The following ADH4 variants were observed in gnomAD, a reference collection of about 807,000 sequenced individuals.
ADH4 encodes all-trans-retinol dehydrogenase [NAD(+)] ADH4.
Under a neutral mutation model 35.2 loss-of-function variants are expected in ADH4, and 31 were observed. That is an observed-to-expected ratio of 0.88 (90% CI 0.66 to 1.19). ADH4 has a LOEUF of 1.19. Among genes scored for constraint, ADH4 ranks in the 50% most tolerant of loss-of-function variants. The probability of loss-of-function intolerance (pLI) is 0.00; values close to 1 mark genes in which losing one functional copy is unlikely to be tolerated. For missense variants in ADH4, 476 were observed against 458.3 expected, an observed-to-expected ratio of 1.04 and a Z score of -0.35; for synonymous variants, 171 against 160.2, an observed-to-expected ratio of 1.07 and a Z score of -0.51.
Position 99,142,689 on chromosome 4 carries a change from A to G in ADH4, c.110T>C (p.Val37Ala), listed in dbSNP as rs1247937318. The change falls in exon 2 of 9, where the codon GTT (valine) becomes GCT (alanine). Residue 37 changes from valine to alanine, a missense_variant. By Grantham distance (64) the Val-to-Ala change is moderately conservative. Coordinates refer to ENST00000265512, the MANE Select transcript of ADH4 (RefSeq NM_000670.5). ...VEVAPPKAHE[V>A]RIQIIATSLC... ...AAAGTCTCCACTTACCTGAATGCGAACTTCATGAGCCTTGGGGGGAGCTAC... is the reference window on the plus strand; with the variant it reads ...AAAGTCTCCACTTACCTGAATGCGAGCTTCATGAGCCTTGGGGGGAGCTAC... 1 of 1,574,998 alleles carries G rather than the reference A, an allele frequency of 6.3e-7. No homozygotes were observed. The highest frequency in any genetic ancestry group is 2.3e-5 in the East Asian group (1 of 43,610).
intron 3 of ADH4, among the ~76,000 whole-genome samples, chr4:99,139,674 A>G (rs1274490360): frequency 6.6e-6 from 1 of 152,194 alleles, no homozygotes; most frequent in African/African-American, 2.4e-5. Flanking sequence ...TCAACATTTA[A>G]TACATACCAC....
In ADH4 at chr4:99,142,723, CT is replaced by C; in HGVS notation, c.75del (p.Glu26ArgfsTer4). ...AWEAGKPLCI[E>X]EVEVAPPKAH... ...GCCTTGGGGGGAGCTACTTCAACCT[CT>C]TCAATGCAAAGGGGCTTGCCTGCTT... On this transcript the variant is annotated frameshift_variant, in exon 2 of 9. Transcript: ENST00000265512. LOFTEE classifies it high-confidence loss of function. 1 of 1,605,708 alleles carries C rather than the reference CT, an allele frequency of 6.2e-7. No homozygotes were observed. The highest frequency in any genetic ancestry group is 8.5e-7 in the Non-Finnish European group (1 of 1,177,254).
chr4:99,126,449 C>T (rs1199478304), intron 8 of ADH4, 145 bp downstream of exon 8: 2 of 685,740 alleles, frequency 2.9e-6, no homozygotes, highest in Non-Finnish European at 4.7e-6. Context: ...TCTGAAATGA[C>T]CACTATTTAA....
At chr4:99,128,811 C>T (rs904730667) in intron 6 of ADH4, among the ~76,000 whole-genome samples, 1 of 149,412 alleles carries the variant, frequency 6.7e-6, no homozygotes, top group Non-Finnish European at 1.5e-5. Context: ...ATTGTATTAT[C>T]TTTTTTTTGA....
chr4:99,143,505 A>G, intron 1 of ADH4: 1 of 277,120 alleles, frequency 3.6e-6, no homozygotes, highest in Non-Finnish European at 6.9e-6. Flanking sequence ...TTATATTTTT[A>G]ATTTCAAATA....
chr4:99,137,150 C>T (rs1202627094), intron 4 of ADH4, among the ~76,000 whole-genome samples: 1 of 146,492 alleles, frequency 6.8e-6, no homozygotes, highest in African/African-American at 2.5e-5. Flanking sequence ...TTTTTTGAGA[C>T]GGAGTCTTGC....
intron 5 of ADH4, 32 bp downstream of exon 5, chr4:99,136,434 T>A (rs1729433362): frequency 6.3e-7 from 1 of 1,577,544 alleles, no homozygotes; most frequent in African/African-American, 1.3e-5. Flanking sequence ...TAGTAACTTC[T>A]GTTTTACACA....
At position 99,137,042 on chromosome 4, in the gene ADH4, C is replaced by T. The variant is rs182820335; in HGVS notation, c.351-345G>A. ...TCCGTTCACCGCAACCTCCGCCTTC[C>T]GAGTTCAAGCGATTTTCCTGCCTCA... On this transcript the variant is annotated intron_variant, in intron 4 of 8. Coordinates refer to ENST00000265512, the MANE Select transcript of ADH4 (RefSeq NM_000670.5). 4.1e-3 allele frequency among the ~76,000 whole-genome samples: 622 copies of T among 152,118 alleles called. 4 individuals carry two copies. Among genetic ancestry groups the T allele is most frequent in the Non-Finnish European group, 5.5e-3 (373 of 68,004 alleles).
intron 4 of ADH4, among the ~76,000 whole-genome samples, chr4:99,138,700 C>T (rs895416203): frequency 3.3e-5 from 5 of 152,114 alleles, no homozygotes; most frequent in South Asian, 2.1e-4. Context: ...CAGCAATTTG[C>T]TTATTTCCCT....
intron 6 of ADH4, among the ~76,000 whole-genome samples, chr4:99,128,664 A>G (rs939020726): frequency 6.6e-6 from 1 of 152,130 alleles, no homozygotes; most frequent in African/African-American, 2.4e-5. Context: ...ATATAGGAAA[A>G]CATGTTTCTA....
At chr4:99,140,338 C>T (rs1664873144) in intron 3 of ADH4, among the ~76,000 whole-genome samples, 1 of 152,156 alleles carries the variant, frequency 6.6e-6, no homozygotes, top group South Asian at 2.1e-4. Context: ...CTTTGGGAGG[C>T]TGAGGTAGGC....
At chr4:99,130,889 A>G (rs1166888250) in intron 6 of ADH4, among the ~76,000 whole-genome samples, 1 of 143,548 alleles carries the variant, frequency 7.0e-6, no homozygotes. Context: ...AATTTTAAAT[A>G]TTATATACTG....
intron 8 of ADH4, among the ~76,000 whole-genome samples, chr4:99,125,008 A>G (rs998610467): frequency 6.6e-6 from 1 of 152,196 alleles, no homozygotes; most frequent in African/African-American, 2.4e-5. Context: ...GCAGGGTGCT[A>G]TGCATAAATG....
chr4:99,141,640 C>A lies in ADH4; in HGVS notation c.163G>T (p.Asp55Tyr), dbSNP rs557732938. Reference sequence around the variant, plus strand: ...AAAGCTAGGCCCTCAAATTTAGAATCGATAACAGTGGCATCAGTATGGCAC... The same window carrying A: ...AAAGCTAGGCCCTCAAATTTAGAATAGATAACAGTGGCATCAGTATGGCAC... ...SLCHTDATVI[D>Y]SKFEGLAFPV... is the part of the protein sequence containing the mutation. The change falls in exon 3 of 9, where the codon GAT becomes TAT. Residue 55 changes from aspartate to tyrosine, a missense_variant. Transcript: ENST00000265512. 1.9e-5 allele frequency: 30 copies of A among 1,614,048 alleles called. No homozygotes were observed. The South Asian group carries it at 3.3e-4, about 18-fold the overall frequency.
chr4:99,143,824 C>G (rs1488611845), intron 1 of ADH4, among the ~76,000 whole-genome samples: 1 of 152,072 alleles, frequency 6.6e-6, no homozygotes, highest in Non-Finnish European at 1.5e-5. Context: ...TCGAGTATCC[C>G]CAAATAAGAT....
At chr4:99,131,450 T>C in intron 6 of ADH4, 54 bp downstream of exon 6, 1 of 1,568,878 alleles carries the variant, frequency 6.4e-7, no homozygotes, top group Non-Finnish European at 8.7e-7. Flanking sequence ...TCCCCTATTA[T>C]TTGACAGCCA....
At chr4:99,138,678 T>C (rs575486724) in intron 4 of ADH4, among the ~76,000 whole-genome samples, 1 of 152,348 alleles carries the variant, frequency 6.6e-6, no homozygotes, top group African/African-American at 2.4e-5. Context: ...GACACTTTAC[T>C]AAATATTCCT....
chr4:99,143,855 T>A (rs1729716716), intron 1 of ADH4, among the ~76,000 whole-genome samples: 2 of 152,204 alleles, frequency 1.3e-5, no homozygotes, highest in South Asian at 4.1e-4. Context: ...TAGTATTTTG[T>A]AATATACTTT....
intron 4 of ADH4, among the ~76,000 whole-genome samples, chr4:99,138,294 G>T (rs1729507996): frequency 6.6e-6 from 1 of 151,978 alleles, no homozygotes; most frequent in Admixed American, 6.6e-5. Context: ...GCATTATTTT[G>T]CTCCTCATTT....
Sources: allele counts gnomAD v4.1 joint callset (sites outside exome capture counted in the v4.1 genomes callset), GRCh38; gene constraint gnomAD v4.1.1; transcripts MANE v1.5; gene names NCBI Gene and HGNC (gene_info 2026-07-23, HGNC 2026-07-21).